Variants in OTUD3 observed in about 807,000 individuals in gnomAD.
OTUD3 encodes the protein OTU domain-containing protein 3.
Under a neutral mutation model 46.2 loss-of-function variants are expected in OTUD3, and 24 were observed. That is an observed-to-expected ratio of 0.52 (90% CI 0.38 to 0.73). The LOEUF (loss-of-function observed/expected upper bound fraction) is 0.73, where lower values mean the gene tolerates loss of function less well. OTUD3 is among the 30% of genes least tolerant of loss of function. The probability of loss-of-function intolerance (pLI) is 0.00; values close to 1 mark genes in which losing one functional copy is unlikely to be tolerated. For missense variants in OTUD3, 455 were observed against 523.3 expected (o/e 0.87, Z 1.27); for synonymous variants, 189 against 195.4 (o/e 0.97, Z 0.27).
At chr1:19,905,358 G>A (rs188620536) in intron 6 of OTUD3, among the ~76,000 whole-genome samples, 40 of 151,740 alleles carry the variant, frequency 2.6e-4, no homozygotes, top group African/African-American at 8.7e-4. Context: ...TTTTTCTGGT[G>A]GAAATATTTA....
At chr1:19,899,865 A>C (rs1387828992) in intron 4 of OTUD3, among the ~76,000 whole-genome samples, 2 of 152,078 alleles carry the variant, frequency 1.3e-5, no homozygotes, top group African/African-American at 4.8e-5. Context: ...TGTTTAAGAC[A>C]TATTTCTATT....
chr1:19,885,181 G>T (rs914630216), intron 1 of OTUD3, among the ~76,000 whole-genome samples: 1 of 152,178 alleles, frequency 6.6e-6, no homozygotes, highest in Non-Finnish European at 1.5e-5. Flanking sequence ...AGTGAAGCTA[G>T]GCTCCAGAAA....
chr1:19,883,563 T>C (rs2045306681), intron 1 of OTUD3, among the ~76,000 whole-genome samples: 5 of 152,178 alleles, frequency 3.3e-5, no homozygotes, highest in Admixed American at 3.3e-4. Context: ...TTTGTTTTTT[T>C]CCTCCCCGTA....
intron 1 of OTUD3, among the ~76,000 whole-genome samples, chr1:19,886,340 T>G (rs2045359991): frequency 6.6e-6 from 1 of 152,200 alleles, no homozygotes; most frequent in Non-Finnish European, 1.5e-5. Context: ...TTTTAGCTGT[T>G]TATCTTATTA....
At chr1:19,907,062 G>T in intron 7 of OTUD3, 1 of 162,944 alleles carries the variant, frequency 6.1e-6, no homozygotes, top group Non-Finnish European at 1.3e-5. Context: ...TTGGTAAATT[G>T]TCACGTGCTT....
chr1:19,906,838 C>G, intron 7 of OTUD3: 1 of 412,808 alleles, frequency 2.4e-6, no homozygotes, highest in Non-Finnish European at 4.3e-6. Context: ...TGAAATTGTC[C>G]TCAGTGTACA....
chr1:19,888,482 A>G (rs1465471917), intron 1 of OTUD3, among the ~76,000 whole-genome samples: 1 of 152,268 alleles, frequency 6.6e-6, no homozygotes, highest in Non-Finnish European at 1.5e-5. Context: ...GGGTGAGCTC[A>G]AAGAAAGTTT....
intron 1 of OTUD3, among the ~76,000 whole-genome samples, chr1:19,886,520 G>C (rs545782311): frequency 1.3e-5 from 2 of 152,240 alleles, no homozygotes; most frequent in South Asian, 4.2e-4. Flanking sequence ...TAGAATATCT[G>C]GGGAGGAACT....
At chr1:19,898,889 C>T (rs2100293981) in intron 4 of OTUD3, among the ~76,000 whole-genome samples, 1 of 152,278 alleles carries the variant, frequency 6.6e-6, no homozygotes. Context: ...CGGCTCACAG[C>T]AGGCTTGTCT....
At chr1:19,901,157 A>G (rs2045584327) in intron 4 of OTUD3, among the ~76,000 whole-genome samples, 1 of 152,128 alleles carries the variant, frequency 6.6e-6, no homozygotes, top group Non-Finnish European at 1.5e-5. Flanking sequence ...TGATCTGCTT[A>G]ACTTGGTCTC....
rs368084020 is a variant in OTUD3 at position 19,906,571 on chromosome 1, C to T, written c.975C>T (p.Ala325=). 37 of 1,613,260 alleles carry T rather than the reference C, an allele frequency of 2.3e-5. No homozygotes were observed. The highest frequency in any genetic ancestry group is 2.9e-5 in the Non-Finnish European group (34 of 1,179,910). The change falls in exon 7 of 8, where the codon GCC becomes GCT. Residue 325 remains alanine (A), a synonymous_variant. Transcript: ENST00000375120. ...EGRTENNKAQ[A]SPSEENKANK... Reference sequence around the variant, plus strand: ...GGACCGAAAACAATAAGGCACAGGCCAGCCCTAGTGAAGAAAACAAAGCAA... The same window carrying T: ...GGACCGAAAACAATAAGGCACAGGCTAGCCCTAGTGAAGAAAACAAAGCAA...
At chr1:19,902,740 G>A (rs1278423241) in intron 4 of OTUD3, among the ~76,000 whole-genome samples, 1 of 151,784 alleles carries the variant, frequency 6.6e-6, no homozygotes, top group Non-Finnish European at 1.5e-5. Context: ...GTAGTTTTTT[G>A]TTGATTCTCT....
At chr1:19,887,054 T>A (rs1180105393) in intron 1 of OTUD3, among the ~76,000 whole-genome samples, 2 of 152,006 alleles carry the variant, frequency 1.3e-5, no homozygotes, top group Non-Finnish European at 2.9e-5. Flanking sequence ...TAAAAATTAT[T>A]GATCTCTCAT....
chr1:19,900,944 G>T (rs901689952), intron 4 of OTUD3, among the ~76,000 whole-genome samples: 1 of 133,220 alleles, frequency 7.5e-6, no homozygotes, highest in East Asian at 2.3e-4. Flanking sequence ...TTGAGACAGA[G>T]TCTTGCTCTG....
chr1:19,899,248 A>G (rs370550887), intron 4 of OTUD3, among the ~76,000 whole-genome samples: 95 of 152,356 alleles, frequency 6.2e-4, no homozygotes, highest in African/African-American at 2.2e-3. Context: ...TGGTATTAGT[A>G]TATCATAAAA....
intron 4 of OTUD3, among the ~76,000 whole-genome samples, chr1:19,900,057 A>G (rs971531222): frequency 6.6e-6 from 1 of 152,118 alleles, no homozygotes. Flanking sequence ...GCTATGAAAG[A>G]ATTTTAGATT....
intron 4 of OTUD3, among the ~76,000 whole-genome samples, chr1:19,898,618 C>A (rs1460562397): frequency 6.6e-6 from 1 of 151,572 alleles, no homozygotes; most frequent in Admixed American, 6.6e-5. Flanking sequence ...ATCCCAGCTA[C>A]TCGGGAGGCT....
rs1365626813 is a variant in OTUD3, at chr1:19,906,435, C to G, written c.839C>G (p.Ala280Gly). 1.2e-6 allele frequency: 2 copies of G among 1,613,488 alleles called. No individual in the cohort carries two copies. The highest frequency in any genetic ancestry group is 2.2e-5 in the East Asian group (1 of 44,870). ...LRMNQGKRNNAEENLEPSGRV... is the reference protein window; with the variant it reads ...LRMNQGKRNNGEENLEPSGRV... ...ATGAAATGTCTTTCTTTGGAAGATG[C>G]AGAAGAGAATCTTGAGCCCAGTGGT... The change falls in exon 7 of 8, where the codon GCA (alanine) becomes GGA (glycine). Residue 280 changes from alanine to glycine, a missense_variant. By Grantham distance (60) the Ala-to-Gly change is moderately conservative. Coordinates refer to ENST00000375120, the MANE Select transcript of OTUD3 (RefSeq NM_015207.2).
Position 19,906,738 on chromosome 1 carries a change from C to T in OTUD3, c.1020+122C>T, listed in dbSNP as rs2045667157. 2.4e-5 allele frequency: 21 copies of T among 877,694 alleles called. No individual in the cohort carries two copies. In the South Asian group the frequency reaches 3.5e-4, roughly 15 times the overall value. 54.4% of individuals were successfully genotyped at this position (877,694 alleles called of 1,614,324 possible). Reference sequence around the variant, plus strand: ...GATTTATAAAAGTAGTGTGGAAAATCTGGGGAATGCATAAAGCTACATCAA... The same window carrying T: ...GATTTATAAAAGTAGTGTGGAAAATTTGGGGAATGCATAAAGCTACATCAA... On this transcript the variant is annotated intron_variant, in intron 7 of 7. Coordinates refer to ENST00000375120, the MANE Select transcript of OTUD3 (RefSeq NM_015207.2).
Sources: gnomAD v4.1 joint callset for allele counts (sites outside exome capture counted in the v4.1 genomes callset) on GRCh38, gnomAD v4.1.1 for gene constraint, MANE v1.5 for transcripts, NCBI Gene and HGNC (gene_info 2026-07-23, HGNC 2026-07-21) for gene names.